EPCAM: variants seen among roughly 807,000 people sequenced by gnomAD.
EPCAM encodes the protein adenocarcinoma-associated antigen.
EPCAM carries 39 observed loss-of-function variants against 40.0 expected under a neutral mutation model. The observed-to-expected ratio is 0.98, with a 90% CI of 0.76 to 1.27. EPCAM has a LOEUF of 1.27. Among genes scored for constraint, EPCAM ranks in the 50% most tolerant of loss-of-function variants. The pLI is 0.00. For synonymous variants in EPCAM, 168 were observed against 132.3 expected (o/e 1.27, Z -1.85); for missense variants, 503 against 381.2 (o/e 1.32, Z -2.66).
intron 3 of EPCAM, among the ~76,000 whole-genome samples, chr2:47,374,375 A>G (rs1233539217): frequency 6.6e-6 from 1 of 152,190 alleles, no homozygotes; most frequent in Non-Finnish European, 1.5e-5. Context: ...TTGTTGCATT[A>G]GTAGTAAATG....
chr2:47,384,794 C>A (rs1388410093), intron 7 of EPCAM, among the ~76,000 whole-genome samples: 1 of 152,204 alleles, frequency 6.6e-6, no homozygotes, highest in Admixed American at 6.5e-5. Context: ...GCAACCTCTG[C>A]CTCCTGGGTT....
chr2:47,385,700 C>G (rs1271310336), intron 8 of EPCAM, among the ~76,000 whole-genome samples: 1 of 145,992 alleles, frequency 6.8e-6, no homozygotes, highest in Non-Finnish European at 1.5e-5. Context: ...ATCCTTGAAC[C>G]CTATCAATAA....
chr2:47,373,927 A>G lies in EPCAM; in HGVS notation c.304A>G (p.Ser102Gly), dbSNP rs34474955. 8.1e-5 allele frequency: 130 copies of G among 1,614,112 alleles called. No individual in the cohort carries two copies. In the African/African-American group the frequency reaches 1.6e-3, roughly 20 times the overall value. Residue 102 changes from serine to glycine, a missense_variant, in exon 3 of 9, where the codon AGC (serine) becomes GGC (glycine). Transcript: ENST00000263735. ...GCTTTATGATCCTGACTGCGATGAG[A>G]GCGGGCTCTTTAAGGCCAAGCAGTG... ...DGLYDPDCDESGLFKAKQCNG... is the reference protein window; with the variant it reads ...DGLYDPDCDEGGLFKAKQCNG...
At chr2:47,375,169 C>A in intron 3 of EPCAM, 65 bp from the exon 4 acceptor site, 1 of 1,215,962 alleles carries the variant, frequency 8.2e-7, no homozygotes, top group Non-Finnish European at 1.2e-6. Context: ...TTAGGATTAG[C>A]TTATTAGGAA....
intron 1 of EPCAM, among the ~76,000 whole-genome samples, chr2:47,371,473 C>T (rs930133758): frequency 6.6e-6 from 1 of 152,166 alleles, no homozygotes; most frequent in Non-Finnish European, 1.5e-5. Context: ...GTGGCGTTTG[C>T]CAAAGGTCTC....
intron 1 of EPCAM, among the ~76,000 whole-genome samples, chr2:47,372,237 T>G (rs979902854): frequency 1.3e-5 from 2 of 152,192 alleles, no homozygotes; most frequent in Non-Finnish European, 2.9e-5. Context: ...ATATTCCTGT[T>G]AAGCCCCAAA....
intron 7 of EPCAM, among the ~76,000 whole-genome samples, chr2:47,382,440 A>AC (rs1671619087): frequency 6.6e-6 from 1 of 152,192 alleles, no homozygotes; most frequent in Non-Finnish European, 1.5e-5. Context: ...TAATCCCAGC[A>AC]CTTTGGGAGG....
rs1007430159 is a variant in EPCAM at position 47,383,815 on chromosome 2, C to A, written c.859-1351C>A. Reference sequence around the variant, plus strand: ...ATACCTGGCTAATTTTTTTGTATTTCTAGTAGAGATAGGGTTTCACCATGT... The same window carrying A: ...ATACCTGGCTAATTTTTTTGTATTTATAGTAGAGATAGGGTTTCACCATGT... On this transcript the variant is annotated intron_variant, in intron 7 of 8. Transcript: ENST00000263735. 4.1e-5 allele frequency among the ~76,000 whole-genome samples: 6 copies of A among 146,550 alleles called. No homozygotes were observed. The East Asian group carries it at 1.0e-3, about 25-fold the overall frequency.
At chr2:47,379,161 G>T in intron 6 of EPCAM, 107 bp downstream of exon 6, 1 of 724,682 alleles carries the variant, frequency 1.4e-6, no homozygotes. Context: ...TCAACCAAAT[G>T]GTTCGCTGCT....
At chr2:47,379,994 C>A (rs774911872) in intron 7 of EPCAM, 25 bp downstream of exon 7, 1 of 1,588,030 alleles carries the variant, frequency 6.3e-7, no homozygotes, top group African/African-American at 1.4e-5. Flanking sequence ...AGTAAAATTT[C>A]ATTTAAGGGT....
At chr2:47,374,712 C>T (rs903292492) in intron 3 of EPCAM, among the ~76,000 whole-genome samples, 1 of 151,896 alleles carries the variant, frequency 6.6e-6, no homozygotes, top group Admixed American at 6.6e-5. Flanking sequence ...GGCACAATCT[C>T]AGCTCACTGC....
In EPCAM at chr2:47,379,113, A is replaced by G. The variant is rs1458065563; in HGVS notation, c.657+59A>G. The stretch of plus-strand genomic sequence containing the variant: ...AATGTAGTCTATCATGCCTCAATGA[A>G]TTAAATATATTTCATCACCTTTTTA... On this transcript the variant is annotated intron_variant, in intron 6 of 8. Transcript: ENST00000263735. 9 of 915,414 alleles carry G rather than the reference A, an allele frequency of 9.8e-6. No individual in the cohort carries two copies. In the African/African-American group the frequency reaches 1.5e-4, roughly 15 times the overall value. The allele number at this position is 915,414 out of a possible 1,614,324, so 56.7% of individuals were successfully genotyped here.
chr2:47,383,911 A>G (rs1167685106), intron 7 of EPCAM, among the ~76,000 whole-genome samples: 1 of 151,948 alleles, frequency 6.6e-6, no homozygotes, highest in Non-Finnish European at 1.5e-5. Flanking sequence ...TGCTGTGATT[A>G]TAGGCGTGAA....
chr2:47,385,387 C>G (rs1233531504), intron 8 of EPCAM, among the ~76,000 whole-genome samples, 177 bp downstream of exon 8: 1 of 152,068 alleles, frequency 6.6e-6, no homozygotes, highest in East Asian at 1.9e-4. Context: ...TGCGTGAGTT[C>G]CATGGCAGAT....
chr2:47,380,549 T>C (rs1671559204), intron 7 of EPCAM, among the ~76,000 whole-genome samples: 1 of 152,184 alleles, frequency 6.6e-6, no homozygotes, highest in Non-Finnish European at 1.5e-5. Context: ...CGTCTTTCAG[T>C]TGTCACTGCA....
At position 47,386,770 on chromosome 2, in the gene EPCAM, C is replaced by G. The variant is rs1288105625; in HGVS notation, c.*157C>G. ...AAACCTGTACTCAAAATATAAGCAG[C>G]TTGAAACTGGCTTTACCAATCTTGA... On this transcript the variant is annotated 3_prime_UTR_variant, in exon 9 of 9. Coordinates refer to ENST00000263735, the MANE Select transcript of EPCAM (RefSeq NM_002354.3). 1.8e-6 allele frequency: 1 copy of G among 562,340 alleles called. No homozygotes were observed. Among genetic ancestry groups the G allele is most frequent in the Non-Finnish European group, 3.1e-6 (1 of 318,976 alleles). The allele number at this position is 562,340 out of a possible 1,614,324, so 34.8% of individuals were successfully genotyped here. A position where few individuals can be genotyped will look rare whatever the true frequency, so the allele number is the denominator to read the frequency against.
At chr2:47,380,060 T>C (rs1226475907) in intron 7 of EPCAM, 91 bp downstream of exon 7, 3 of 1,543,438 alleles carry the variant, frequency 1.9e-6, no homozygotes, top group Middle Eastern at 1.8e-4. Flanking sequence ...CCACACCTGT[T>C]ATCCCTACAC....
chr2:47,369,624 T>TG (rs1553342495), intron 1 of EPCAM, 43 bp downstream of exon 1: 9 of 1,539,084 alleles, frequency 5.8e-6, no homozygotes, highest in Non-Finnish European at 7.1e-6. Context: ...TGGGCTGGGC[T>TG]GGGGGGCAGC....
intron 1 of EPCAM, among the ~76,000 whole-genome samples, chr2:47,370,585 T>C (rs1299240381): frequency 1.3e-5 from 2 of 151,612 alleles, no homozygotes; most frequent in Non-Finnish European, 2.9e-5. Flanking sequence ...TATTTTATTT[T>C]TTTATTTGAA....
Sources: allele counts gnomAD v4.1 joint callset (sites outside exome capture counted in the v4.1 genomes callset), GRCh38; gene constraint gnomAD v4.1.1; transcripts MANE v1.5; gene names NCBI Gene and HGNC (gene_info 2026-07-23, HGNC 2026-07-21).